The following SLCO4A1 variants were observed in gnomAD, a reference collection of about 807,000 sequenced individuals.
SLCO4A1 encodes colon organic anion transporter.
Under a neutral mutation model 64.6 loss-of-function variants are expected in SLCO4A1, and 51 were observed. The ratio of observed to expected loss-of-function variants is 0.79; its 90% CI spans 0.63 to 1.00. The LOEUF is 1.00. Among genes scored for constraint, SLCO4A1 ranks in the 50% least tolerant of loss-of-function variants. SLCO4A1 has a pLI of 0.00. For missense variants in SLCO4A1, 919 were observed against 980.5 expected, an observed-to-expected ratio of 0.94 and a Z score of 0.84; for synonymous variants, 471 against 444.9, an observed-to-expected ratio of 1.06 and a Z score of -0.74.
In SLCO4A1 at chr20:62,671,689, C is replaced by T. The variant is rs560124912; in HGVS notation, c.2026-61C>T. The T allele has an allele frequency of 1.8e-5, 27 of 1,524,616 alleles. 1 individual carries two copies. The Admixed American group carries it at 4.3e-4, about 25-fold the overall frequency. 94.4% of individuals were successfully genotyped at this position (1,524,616 alleles called of 1,614,324 possible). On this transcript the variant is annotated intron_variant, in intron 11 of 11. Coordinates refer to ENST00000217159, the MANE Select transcript of SLCO4A1 (RefSeq NM_016354.4). ...CAGGGACAGGACTGGGACAGGCCCA[C>T]CAGTATCCAAAGGCTCTGGCCGAGC...
intron 2 of SLCO4A1, among the ~76,000 whole-genome samples, chr20:62,679,578 G>A (rs542705191): frequency 1.8e-3 from 271 of 152,140 alleles, no homozygotes; most frequent in Non-Finnish European, 2.6e-3. Flanking sequence ...GCCCAGGCTC[G>A]TTTCGAACTC....
downstream of SLCO4A1, among the ~76,000 whole-genome samples, chr20:62,688,376 AC>A (rs1379001923): frequency 6.6e-6 from 1 of 151,748 alleles, no homozygotes; most frequent in Admixed American, 6.6e-5. Context: ...GCCCTGTGCA[AC>A]CCTGCCCGTG....
At chr20:62,657,830 A>G (rs1984019252) in intron 2 of SLCO4A1, among the ~76,000 whole-genome samples, 3 of 152,328 alleles carry the variant, frequency 2.0e-5, no homozygotes, top group Admixed American at 1.3e-4. Context: ...AAATCTGGAG[A>G]GTCAGAACTT....
chr20:62,678,783 C>T (rs1190758905), intron 2 of SLCO4A1, among the ~76,000 whole-genome samples: 7 of 152,126 alleles, frequency 4.6e-5, no homozygotes, highest in East Asian at 1.9e-4. Flanking sequence ...GGAGGCACCA[C>T]GCTGAGCAAA....
rs747026694 is a variant in SLCO4A1 at position 62,661,080 on chromosome 20, G to T, written c.1026G>T (p.Ala342=). Residue 342 remains alanine, a synonymous_variant, in exon 5 of 12, where the codon GCG becomes GCT. Transcript: ENST00000217159. The surrounding 1 kb of genome is among the most constrained non-coding windows in gnomAD (Gnocchi z 5.2). ...PRQLPGSQRY[A]VMRAAEMHQL... is the part of the protein sequence containing the mutation. The stretch of plus-strand genomic sequence containing the variant: ...CCCTTCCAGGCTCCCAGCGCTACGC[G>T]GTCATGAGAGCGGCGGAAATGCACC... 4.9e-6 allele frequency: 7 copies of T among 1,431,208 alleles called. No individual in the cohort carries two copies. The highest frequency in any genetic ancestry group is 6.6e-6 in the Non-Finnish European group (7 of 1,063,164). The allele number at this position is 1,431,208 out of a possible 1,614,324, so 88.7% of individuals were successfully genotyped here.
rs758906835 is a variant in SLCO4A1, at chr20:62,667,892, G to A, written c.1620G>A (p.Thr540=). The A allele has an allele frequency of 2.5e-6, 4 of 1,613,956 alleles. No individual in the cohort carries two copies. The highest frequency in any genetic ancestry group is 3.3e-5 in the Admixed American group (2 of 60,030). Reference sequence around the variant, plus strand: ...CAGGGTGCCCTGCAGCCACGGAGACGAATGTGGACGGCCAGAAGGTGAGTG... The same window carrying A: ...CAGGGTGCCCTGCAGCCACGGAGACAAATGTGGACGGCCAGAAGGTGAGTG... The part of the protein sequence containing the change: ...CHAGCPAATE[T]NVDGQKVYRD... Residue 540 remains threonine, a synonymous_variant, in exon 8 of 12, where the codon ACG becomes ACA. Transcript: ENST00000217159.
rs141747225 is a variant in SLCO4A1 at position 62,668,491 on chromosome 20, C to T, written c.1826C>T (p.Pro609Leu). ...TTCTATTGCAGATGTGTCCGTGACC[C>T]TCAGAGATCCTTTGCCCTGGGAATC... ...LTATLRCVRD[P>L]QRSFALGIQW... is the part of the protein sequence containing the mutation. Residue 609 changes from proline to leucine, a missense_variant, in exon 10 of 12, where the codon CCT becomes CTT. Coordinates refer to ENST00000217159, the MANE Select transcript of SLCO4A1 (RefSeq NM_016354.4). 4.1e-5 allele frequency: 66 copies of T among 1,613,950 alleles called. No homozygotes were observed. The African/African-American group carries it at 8.1e-4, about 20-fold the overall frequency.
rs201057493 is a variant in SLCO4A1, at chr20:62,661,123, C to T, written c.1069C>T (p.Arg357Cys). The T allele has an allele frequency of 8.4e-5, 136 of 1,612,606 alleles. No homozygotes were observed. Among genetic ancestry groups the T allele is most frequent in the Middle Eastern group, 5.0e-4 (3 of 6,058 alleles). ...AEMHQLKDSS[R>C]GEASNPDFGK... is the part of the protein sequence containing the mutation. ...AATGCACCAGTTGAAGGACAGCAGC[C>T]GTGGGGAGGCGAGCAACCCGGACTT... is the stretch of plus-strand genomic sequence containing the variant. The change falls in exon 5 of 12, where the codon CGT becomes TGT. Residue 357 changes from arginine (R) to cysteine (C), a missense_variant. Arg to Cys is a radical substitution (Grantham distance 180). Transcript: ENST00000217159. This position sits in a 1 kb window ranked among gnomAD's most constrained non-coding sequence, Gnocchi z 5.2.
chr20:62,671,375 C>G (rs1987191912), intron 11 of SLCO4A1, among the ~76,000 whole-genome samples: 1 of 152,072 alleles, frequency 6.6e-6, no homozygotes, highest in Non-Finnish European at 1.5e-5. Flanking sequence ...ATGAGGACAC[C>G]AGTCATTGGA....
At position 62,666,570 on chromosome 20, in the gene SLCO4A1, C is replaced by T. The variant is rs200568659; in HGVS notation, c.1467C>T (p.Gly489=). The T allele has an allele frequency of 3.9e-5, 63 of 1,611,964 alleles. No homozygotes were observed. The highest frequency in any genetic ancestry group is 1.3e-4 in the South Asian group (12 of 91,074). Reference sequence around the variant, plus strand: ...TGGCGGGCGTCACAGCCAGCTACGGCGGGAGGTGAGGGCCAGATGGCACCT... The same window carrying T: ...TGGCGGGCGTCACAGCCAGCTACGGTGGGAGGTGAGGGCCAGATGGCACCT... ...VPMAGVTASY[G]GSLLPEGHLN... is the part of the protein sequence containing the mutation. The change falls in exon 7 of 12, where the codon GGC becomes GGT. Residue 489 remains glycine (G), a synonymous_variant. Coordinates refer to ENST00000217159, the MANE Select transcript of SLCO4A1 (RefSeq NM_016354.4).
At chr20:62,652,066 T>TCGGCCCCCCTCCC (rs891311823) in intron 1 of SLCO4A1, 20 of 29,366 alleles carry the variant, frequency 6.8e-4, no homozygotes, top group Non-Finnish European at 1.4e-4. Flanking sequence ...CCACCCCCGC[T>TCGGCCCCCCTCCC]CGGCCCCCCT....
chr20:62,660,920 G>T, intron 4 of SLCO4A1, 144 bp from the exon 5 acceptor site: 2 of 632,576 alleles, frequency 3.2e-6, no homozygotes, highest in Admixed American at 2.8e-5. Context: ...CCGCCTCCCC[G>T]GGGCTGCGAG....
chr20:62,661,316 A>C lies in SLCO4A1; in HGVS notation c.1121+141A>C, dbSNP rs1984788850. The C allele has an allele frequency of 1.5e-6, 1 of 645,640 alleles. No homozygotes were observed. Among genetic ancestry groups the C allele is most frequent in the African/African-American group, 1.8e-5 (1 of 55,146 alleles). 40.0% of individuals were successfully genotyped at this position (645,640 alleles called of 1,614,324 possible). On this transcript the variant is annotated intron_variant, in intron 5 of 11. Coordinates refer to ENST00000217159, the MANE Select transcript of SLCO4A1 (RefSeq NM_016354.4). This position sits in a 1 kb window ranked among gnomAD's most constrained non-coding sequence, Gnocchi z 5.2. ...TGTCGTGACCCTGGGCCAAGAGATT[A>C]AGGAGCAACAGATAGAGCCTCTGGG... is the stretch of plus-strand genomic sequence containing the variant.
chr20:62,643,637 A>G (rs1348648324), intron 1 of SLCO4A1, among the ~76,000 whole-genome samples: 1 of 152,156 alleles, frequency 6.6e-6, no homozygotes, highest in Non-Finnish European at 1.5e-5. Context: ...AACTTGGGTT[A>G]CCTCCATCTA....
At chr20:62,677,857 C>T (rs1600692932) in intron 2 of SLCO4A1, among the ~76,000 whole-genome samples, 1 of 152,236 alleles carries the variant, frequency 6.6e-6, no homozygotes, top group African/African-American at 2.4e-5. Flanking sequence ...TCAGCCAGGC[C>T]GAGTCCGCCG....
At position 62,657,096 on chromosome 20, in the gene SLCO4A1, G is replaced by T. The variant is rs202154399; in HGVS notation, c.642G>T (p.Ala214=). ...GGACGTGCCCTGCCAACCCCGGCGC[G>T]GTGTGTGCGGACAGCACCTCGGGCC... is the stretch of plus-strand genomic sequence containing the variant. ...GVRTCPANPG[A]VCADSTSGLS... The change falls in exon 2 of 12, where the codon GCG becomes GCT. Residue 214 remains alanine (A), a synonymous_variant. Transcript: ENST00000217159. 1.3e-6 allele frequency: 2 copies of T among 1,598,068 alleles called. No homozygotes were observed. The highest frequency in any genetic ancestry group is 2.3e-5 in the East Asian group (1 of 44,136).
chr20:62,668,864 C>T (rs967193617), intron 10 of SLCO4A1, 66 bp from the exon 11 acceptor site: 5 of 1,516,212 alleles, frequency 3.3e-6, no homozygotes, highest in Non-Finnish European at 4.4e-6. Context: ...GGCCTCTTGG[C>T]TGCCTGCCCC....
rs1395610547 is a variant in SLCO4A1 at position 62,685,279 on chromosome 20, C to T, written n.212-162C>T. Among the ~76,000 whole-genome samples the T allele has an allele frequency of 1.3e-4, 11 of 84,912 alleles. No homozygotes were observed. The highest frequency in any genetic ancestry group is 4.2e-4 in the African/African-American group (9 of 21,384). 55.7% of individuals were successfully genotyped at this position (84,912 alleles called of 152,430 possible). A position where few individuals can be genotyped will look rare whatever the true frequency, so the allele number is the denominator to read the frequency against. ...GGGTGGTGGGGAGTGGGGGCTGGGT[C>T]GGGGCTGGGCCCTGGCTGCCCTGGC... On this transcript the variant is annotated intron_variant and non_coding_transcript_variant, in intron 2 of 2. Coordinates refer to the SLCO4A1 transcript ENST00000466818. The surrounding 1 kb of genome is among the most constrained non-coding windows in gnomAD (Gnocchi z 4.6).
chr20:62,681,824 G>GA (rs1325411403), intron 2 of SLCO4A1, among the ~76,000 whole-genome samples: 8 of 151,290 alleles, frequency 5.3e-5, no homozygotes, highest in South Asian at 2.1e-4. Context: ...AGGTCTCACT[G>GA]AAAAAAAAAT....
Sources: gnomAD v4.1 joint callset for allele counts (sites outside exome capture counted in the v4.1 genomes callset) on GRCh38, gnomAD v4.1.1 for gene constraint, Gnocchi (gnomAD v3.1) non-coding constraint, MANE v1.5 for transcripts, NCBI Gene and HGNC (gene_info 2026-07-23, HGNC 2026-07-21) for gene names.